Variants in LMO3 observed in about 807,000 individuals in gnomAD.
LMO3 encodes the protein LIM domain only protein 3.
Under a neutral mutation model 15.8 loss-of-function variants are expected in LMO3, and 2 were observed. The observed-to-expected ratio is 0.13, with a 90% CI of 0.05 to 0.40. LMO3 has a LOEUF of 0.40. Ranked by LOEUF, LMO3 falls within the 10% of genes least tolerant of loss-of-function variation. The pLI is 0.99. For missense variants in LMO3, 86 were observed against 182.2 expected (o/e 0.47, Z 3.04); for synonymous variants, 62 against 63.8 (o/e 0.97, Z 0.13).
chr12:16,601,594 T>C (rs1943826783), intron 1 of LMO3, among the ~76,000 whole-genome samples: 1 of 152,148 alleles, frequency 6.6e-6, no homozygotes, highest in African/African-American at 2.4e-5. Context: ...ACCTAAAGTA[T>C]ATGATTATAC....
rs1008896626 is a variant in LMO3, at chr12:16,594,281, A to G, written c.206+6374T>C. 3.9e-6 allele frequency: 6 copies of G among 1,520,554 alleles called. No homozygotes were observed. The African/African-American group carries it at 6.9e-5, about 17-fold the overall frequency. 94.2% of individuals were successfully genotyped at this position (1,520,554 alleles called of 1,614,324 possible). On this transcript the variant is annotated intron_variant, in intron 2 of 3. Coordinates refer to ENST00000537304, the MANE Select transcript of LMO3 (RefSeq NM_018640.5). ...CAAATGCTTAACAAGAGGAAGTGCC[A>G]TGTGTCAGCAGAAGTAATCATATAC...
At position 16,593,866 on chromosome 12, in the gene LMO3, G is replaced by A. The variant is rs1467633651; in HGVS notation, c.206+6789C>T. Among the ~76,000 whole-genome samples the A allele has an allele frequency of 6.6e-6, 1 of 151,628 alleles. No individual in the cohort carries two copies. Among genetic ancestry groups the A allele is most frequent in the African/African-American group, 2.4e-5 (1 of 41,384 alleles). The stretch of plus-strand genomic sequence containing the variant: ...AGCTTCGTGTAAGCACCTTGAAAAG[G>A]GAAATACATGGTTAATCATCAAAAC... On this transcript the variant is annotated intron_variant, in intron 2 of 3. Transcript: ENST00000537304. This position sits in a 1 kb window ranked among gnomAD's most constrained non-coding sequence, Gnocchi z 4.2.
At chr12:16,605,484 A>G (rs926510394) in intron 1 of LMO3, 17 of 435,440 alleles carry the variant, frequency 3.9e-5, no homozygotes, top group Middle Eastern at 1.3e-3. Context: ...TTTCCACGGC[A>G]AAGGAACAAC....
chr12:16,560,261 A>G lies in LMO3; in HGVS notation c.332+152T>C. On this transcript the variant is annotated intron_variant, in intron 3 of 3. Transcript: ENST00000537304. The surrounding 1 kb of genome is among the most constrained non-coding windows in gnomAD (Gnocchi z 5.0). ...TCTTAAGACCTTTCTTCTCCTTAGT[A>G]GCTTGTCTCTGGCATGGGATTAAAG... The G allele has an allele frequency of 1.4e-6, 1 of 723,678 alleles. No homozygotes were observed. The highest frequency in any genetic ancestry group is 2.8e-5 in the South Asian group (1 of 35,242). 44.8% of individuals were successfully genotyped at this position (723,678 alleles called of 1,614,324 possible).
rs945854154 is a variant in LMO3, at chr12:16,596,451, C to A, written c.206+4204G>T. On this transcript the variant is annotated intron_variant, in intron 2 of 3. Coordinates refer to ENST00000537304, the MANE Select transcript of LMO3 (RefSeq NM_018640.5). This position sits in a 1 kb window ranked among gnomAD's most constrained non-coding sequence, Gnocchi z 4.3. ...CTTTGAATAAACTCTGGCAAGATAT[C>A]ATTCATAGAGATACAAGATACATAC... is the stretch of plus-strand genomic sequence containing the variant. 1.1e-4 allele frequency among the ~76,000 whole-genome samples: 16 copies of A among 151,592 alleles called. No homozygotes were observed. The highest frequency in any genetic ancestry group is 3.9e-4 in the African/African-American group (16 of 41,388).
rs1435024682 is a variant in LMO3, at chr12:16,597,343, T to C, written c.206+3312A>G. Among the ~76,000 whole-genome samples, 5 of 151,738 alleles carry C rather than the reference T, an allele frequency of 3.3e-5. No homozygotes were observed. The South Asian group carries it at 6.2e-4, about 19-fold the overall frequency. On this transcript the variant is annotated intron_variant, in intron 2 of 3. Transcript: ENST00000537304. The surrounding 1 kb of genome is among the most constrained non-coding windows in gnomAD (Gnocchi z 5.0). Reference sequence around the variant, plus strand: ...AGTTTCTATAACCCTTAAGAAAATATCTTACAGTCTAAATTATTATATTTT... The same window carrying C: ...AGTTTCTATAACCCTTAAGAAAATACCTTACAGTCTAAATTATTATATTTT...
Position 16,591,355 on chromosome 12 carries a change from G to A in LMO3, c.206+9300C>T, listed in dbSNP as rs969813255. Among the ~76,000 whole-genome samples the A allele has an allele frequency of 1.3e-5, 2 of 151,848 alleles. No homozygotes were observed. Among genetic ancestry groups the A allele is most frequent in the Admixed American group, 6.6e-5 (1 of 15,204 alleles). ...TCATCAGGTCATTACTCAAGTCACC[G>A]TCTCAGTGAGGCTGTCTGCACCCCC... On this transcript the variant is annotated intron_variant, in intron 2 of 3. Transcript: ENST00000537304. The surrounding 1 kb of genome is among the most constrained non-coding windows in gnomAD (Gnocchi z 4.1).
At position 16,560,005 on chromosome 12, in the gene LMO3, T is replaced by TA; in HGVS notation, c.332+407dup. Among the ~76,000 whole-genome samples the TA allele has an allele frequency of 6.6e-6, 1 of 152,034 alleles. No homozygotes were observed. The highest frequency in any genetic ancestry group is 2.1e-4 in the South Asian group (1 of 4,804). On this transcript the variant is annotated intron_variant, in intron 3 of 3. Coordinates refer to ENST00000537304, the MANE Select transcript of LMO3 (RefSeq NM_018640.5). The surrounding 1 kb of genome is among the most constrained non-coding windows in gnomAD (Gnocchi z 5.0). ...CATGAGGGATAAGGAATTTAAAATA[T>TA]AAAAAATAATAAGAATATAAAATAC...
upstream of LMO3, chr12:16,609,249 A>G (rs1378605897): frequency 6.6e-6 from 1 of 152,168 alleles, no homozygotes; most frequent in Admixed American, 6.5e-5. Context: ...TTCTGCTGAC[A>G]CTTTGCGAAA....
rs1942348892 is a variant in LMO3, at chr12:16,560,266, G to GTCTC, written c.332+143_332+146dup. 1.3e-6 allele frequency: 1 copy of GTCTC among 777,182 alleles called. No individual in the cohort carries two copies. Among genetic ancestry groups the GTCTC allele is most frequent in the Non-Finnish European group, 1.9e-6 (1 of 520,960 alleles). 48.1% of individuals were successfully genotyped at this position (777,182 alleles called of 1,614,324 possible). On this transcript the variant is annotated intron_variant, in intron 3 of 3. Coordinates refer to ENST00000537304, the MANE Select transcript of LMO3 (RefSeq NM_018640.5). The surrounding 1 kb of genome is among the most constrained non-coding windows in gnomAD (Gnocchi z 5.0). ...AGACCTTTCTTCTCCTTAGTAGCTTGTCTCTGGCATGGGATTAAAGTTTAC... is the reference window on the plus strand; with the variant it reads ...AGACCTTTCTTCTCCTTAGTAGCTTGTCTCTCTCTGGCATGGGATTAAAGTTTAC...
chr12:16,590,950 A>T (rs1428491318), intron 2 of LMO3, among the ~76,000 whole-genome samples: 1 of 152,100 alleles, frequency 6.6e-6, no homozygotes, highest in Admixed American at 6.6e-5. Context: ...ATCCAAAAAA[A>T]CTTCCAGTAA....
chr12:16,604,787 G>A lies in LMO3; in HGVS notation c.-9+1279C>T, dbSNP rs201003925. 2.9e-5 allele frequency: 42 copies of A among 1,469,230 alleles called. No individual in the cohort carries two copies. The African/African-American group carries it at 5.3e-4, about 18-fold the overall frequency. The allele number at this position is 1,469,230 out of a possible 1,614,324, so 91.0% of individuals were successfully genotyped here. A position where few individuals can be genotyped will look rare whatever the true frequency, so the allele number is the denominator to read the frequency against. On this transcript the variant is annotated intron_variant, in intron 1 of 3. Transcript: ENST00000537304. The surrounding 1 kb of genome is among the most constrained non-coding windows in gnomAD (Gnocchi z 5.3). ...TCTTTCAGAAAGACACAAAAGCAGC[G>A]GAAAAGCAGAAAGGCTTTTGAGCGG... is the stretch of plus-strand genomic sequence containing the variant.
intron 3 of LMO3, among the ~76,000 whole-genome samples, chr12:16,553,607 T>C (rs564452610): frequency 2.0e-4 from 30 of 152,224 alleles, no homozygotes; most frequent in African/African-American, 7.0e-4. Flanking sequence ...GAAACGAACA[T>C]GGATGAGGGA....
rs1264984935 is a variant in LMO3, at chr12:16,586,312, A to T, written c.206+14343T>A. On this transcript the variant is annotated intron_variant, in intron 2 of 3. Coordinates refer to ENST00000537304, the MANE Select transcript of LMO3 (RefSeq NM_018640.5). The surrounding 1 kb of genome is among the most constrained non-coding windows in gnomAD (Gnocchi z 4.3). ...AAGATGTCATGATACGATGAAGTCC[A>T]CATACGGAACAACTAAGAAACAACT... Among the ~76,000 whole-genome samples, 3 of 152,230 alleles carry T rather than the reference A, an allele frequency of 2.0e-5. No individual in the cohort carries two copies. Among genetic ancestry groups the T allele is most frequent in the Admixed American group, 1.3e-4 (2 of 15,274 alleles).
chr12:16,592,270 C>T (rs546922081), intron 2 of LMO3, among the ~76,000 whole-genome samples: 21 of 151,978 alleles, frequency 1.4e-4, no homozygotes, highest in Admixed American at 3.3e-4. Context: ...AAACCCCAAT[C>T]CTGCCTCTCA....
intron 2 of LMO3, among the ~76,000 whole-genome samples, chr12:16,581,032 AT>A (rs1348750432): frequency 2.6e-5 from 4 of 152,152 alleles, no homozygotes; most frequent in African/African-American, 9.7e-5. Context: ...CCACTAACAA[AT>A]TTTTTTCTAA....
At chr12:16,577,794 T>C (rs1047157027) in intron 2 of LMO3, among the ~76,000 whole-genome samples, 22 of 152,218 alleles carry the variant, frequency 1.4e-4, no homozygotes, top group African/African-American at 5.3e-4. Flanking sequence ...ATATTCAGGT[T>C]GCCCATGATG....
intron 3 of LMO3, among the ~76,000 whole-genome samples, chr12:16,558,414 T>C (rs1280724117): frequency 6.6e-6 from 1 of 152,096 alleles, no homozygotes; most frequent in Admixed American, 6.6e-5. Flanking sequence ...CTGCTATTAG[T>C]TGATCAACAT....
intron 1 of LMO3, chr12:16,605,040 T>G (rs1489731444): frequency 1.3e-6 from 2 of 1,533,562 alleles, no homozygotes; most frequent in Non-Finnish European, 1.7e-6. Context: ...GAAGCCACTT[T>G]GGGAGCGGGT....
Sources: allele counts gnomAD v4.1 joint callset (sites outside exome capture counted in the v4.1 genomes callset), GRCh38; gene constraint gnomAD v4.1.1; non-coding constraint Gnocchi (gnomAD v3.1); transcripts MANE v1.5; gene names NCBI Gene and HGNC (gene_info 2026-07-23, HGNC 2026-07-21).